OGDHL: variants seen among roughly 807,000 people sequenced by gnomAD.
OGDHL encodes the protein oxoglutarate dehydrogenase L, also known as 2-oxoglutarate dehydrogenase-like, mitochondrial.
Under a neutral mutation model 109.6 loss-of-function variants are expected in OGDHL, and 79 were observed. The observed-to-expected ratio is 0.72, with a 90% CI of 0.60 to 0.87. The LOEUF (loss-of-function observed/expected upper bound fraction) is 0.87. Among genes scored for constraint, OGDHL ranks in the 40% least tolerant of loss-of-function variants. The probability of loss-of-function intolerance (pLI) is 0.00; values close to 1 mark genes in which losing one functional copy is unlikely to be tolerated. For synonymous variants in OGDHL, 528 were observed against 537.2 expected (o/e 0.98, Z 0.24); for missense variants, 1,275 against 1,362.2 (o/e 0.94, Z 1.01).
At chr10:49,736,268 TCATCTGGCCTGCCTGGCA>T (rs1372259009) in intron 21 of OGDHL, 71 bp downstream of exon 21, 1 of 1,583,152 alleles carries the variant, frequency 6.3e-7, no homozygotes, top group Non-Finnish European at 8.6e-7. Flanking sequence ...TCACCGGCCT[TCATCTGGCCTGCCTGGCA>T]CATTGGCCAG....
Position 49,739,798 on chromosome 10 carries a change from C to T in OGDHL, c.2182G>A (p.Val728Ile), listed in dbSNP as rs147493776. The T allele has an allele frequency of 2.7e-5, 44 of 1,614,110 alleles. No homozygotes were observed. In the African/African-American group the frequency reaches 5.5e-4, roughly 20 times the overall value. The change falls in exon 17 of 23, where the codon GTC (valine) becomes ATC (isoleucine). Residue 728 changes from valine to isoleucine, a missense_variant. Val to Ile is a conservative substitution (Grantham distance 29). Coordinates refer to ENST00000374103, the MANE Select transcript of OGDHL (RefSeq NM_018245.3). ...GYAMASPNAL[V>I]LWEAQFGDFH... ...TCCCCAAACTGGGCCTCCCAGAGGA[C>T]CAGGGCATTGGGGCTGGCCATGGCA...
At position 49,736,044 on chromosome 10, in the gene OGDHL, AGGATGGTCATGAAGCGTG is replaced by A; in HGVS notation, c.2870_2887del (p.Pro957_Ile962del). On this transcript the variant is annotated inframe_deletion, in exon 22 of 23. Coordinates refer to ENST00000374103, the MANE Select transcript of OGDHL (RefSeq NM_018245.3). Reference sequence around the variant, plus strand: ...GTACCATATGGGCCGTGCGCGCCTCAGGATGGTCATGAAGCGTGGGCTGATGTAGTCATAGTAGCCCAT... The same window carrying A: ...GTACCATATGGGCCGTGCGCGCCTCAGGCTGATGTAGTCATAGTAGCCCAT... 6.3e-7 allele frequency: 1 copy of A among 1,596,568 alleles called. No homozygotes were observed. The highest frequency in any genetic ancestry group is 1.1e-5 in the South Asian group (1 of 87,588).
chr10:49,744,918 G>A (rs1460324214), intron 12 of OGDHL, among the ~76,000 whole-genome samples, 166 bp from the exon 13 acceptor site: 1 of 152,194 alleles, frequency 6.6e-6, no homozygotes, highest in African/African-American at 2.4e-5. Context: ...TCAGAGTTCA[G>A]GGGATCCTGT....
In OGDHL at chr10:49,740,433, CTCTG is replaced by C. The variant is rs1456206844; in HGVS notation, c.2140+273_2140+276del. Among the ~76,000 whole-genome samples the C allele has an allele frequency of 3.9e-5, 6 of 152,212 alleles. No individual in the cohort carries two copies. In the East Asian group the frequency reaches 1.2e-3, roughly 29 times the overall value. The stretch of plus-strand genomic sequence containing the variant: ...AACCCACAGCAGACTGTGTTGGGCT[CTCTG>C]TCTGCGCCCACTGGGGCCCTGATAC... On this transcript the variant is annotated intron_variant, in intron 16 of 22. Transcript: ENST00000374103.
chr10:49,736,934 T>A (rs6537551), intron 20 of OGDHL, among the ~76,000 whole-genome samples: 56,412 of 151,972 alleles, frequency 0.37, 11,937 homozygotes, highest in Middle Eastern at 0.47. Flanking sequence ...TGCATGCTCC[T>A]CCTCTTTCAG....
rs1842048492 is a variant in OGDHL at position 49,744,702 on chromosome 10, G to C, written c.1680C>G (p.Ser560=). 6.2e-7 allele frequency: 1 copy of C among 1,614,042 alleles called. No individual in the cohort carries two copies. The highest frequency in any genetic ancestry group is 1.7e-5 in the Admixed American group (1 of 59,986). The part of the protein sequence containing the change: ...DRICEEAYGR[S]KDKKILHIKH... ...TTATATGCAGAATCTTTTTATCCTT[G>C]GACCTGCCATAAGCCTCCTCACAGA... The change falls in exon 13 of 23, where the codon TCC becomes TCG. Residue 560 remains serine, a synonymous_variant. Transcript: ENST00000374103.
intron 11 of OGDHL, 75 bp downstream of exon 11, chr10:49,745,723 G>T: frequency 1.3e-6 from 2 of 1,529,456 alleles, no homozygotes; most frequent in Non-Finnish European, 1.8e-6. Context: ...TGCTGAAGAT[G>T]CTGATGACAT....
intron 12 of OGDHL, 103 bp from the exon 13 acceptor site, chr10:49,744,855 C>G: frequency 8.9e-6 from 8 of 896,576 alleles, no homozygotes; most frequent in Non-Finnish European, 1.5e-5. Flanking sequence ...CCAAGTTCTT[C>G]TAGAACTCTC....
At chr10:49,751,542 T>C (rs1842589157) in intron 6 of OGDHL, among the ~76,000 whole-genome samples, 1 of 152,148 alleles carries the variant, frequency 6.6e-6, no homozygotes, top group East Asian at 1.9e-4. Context: ...TCTGCCCAAA[T>C]GTTCCCACAG....
At chr10:49,740,403 G>T (rs1188955013) in intron 16 of OGDHL, among the ~76,000 whole-genome samples, 1 of 152,136 alleles carries the variant, frequency 6.6e-6, no homozygotes. Flanking sequence ...CTGCTCAGCA[G>T]CTGGAACCCA....
At chr10:49,744,577 A>T in intron 13 of OGDHL, 73 bp downstream of exon 13, 1 of 1,211,886 alleles carries the variant, frequency 8.3e-7, no homozygotes, top group Non-Finnish European at 1.2e-6. Flanking sequence ...ACCCAGGGCC[A>T]TTCCAGTCCT....
At chr10:49,756,332 T>C (rs941026323) in intron 3 of OGDHL, among the ~76,000 whole-genome samples, 2 of 152,266 alleles carry the variant, frequency 1.3e-5, no homozygotes, top group Non-Finnish European at 2.9e-5. Flanking sequence ...GAGGAGCAAC[T>C]GGTGGGGGAG....
Position 49,745,958 on chromosome 10 carries a change from G to C in OGDHL, c.1316C>G (p.Pro439Arg). The C allele has an allele frequency of 1.2e-6, 2 of 1,614,128 alleles. No homozygotes were observed. ...GTATGGTGAGGAGCGGGCCATTCGG[G>C]GGTCTGTGGTGAATCCAATCTGCAG... The part of the protein sequence containing the change: ...VNNQIGFTTD[P>R]RMARSSPYPT... The change falls in exon 11 of 23, where the codon CCC (proline) becomes CGC (arginine). Residue 439 changes from proline to arginine, a missense_variant. Coordinates refer to ENST00000374103, the MANE Select transcript of OGDHL (RefSeq NM_018245.3).
chr10:49,747,291 G>C (rs1842265586), intron 8 of OGDHL, 83 bp from the exon 9 acceptor site: 1 of 1,475,354 alleles, frequency 6.8e-7, no homozygotes, highest in Admixed American at 1.7e-5. Context: ...GCAGCCCACA[G>C]TCAGGCTGGC....
At position 49,742,951 on chromosome 10, in the gene OGDHL, G is replaced by A. The variant is rs141335151; in HGVS notation, c.1889C>T (p.Ala630Val). The A allele has an allele frequency of 3.8e-4, 608 of 1,613,592 alleles. 5 individuals carry two copies. In the East Asian group the frequency reaches 0.011, roughly 28 times the overall value. ...CACCGTCCGGTTCTTGGTCATGTCC[G>A]CACGGCCCCGCAGAATGCGAGAGAG... ...TGLSRILRGR[A>V]DMTKNRTVDW... The change falls in exon 15 of 23, where the codon GCG becomes GTG. Residue 630 changes from alanine (A) to valine (V), a missense_variant. Physicochemically the swap from Ala to Val is moderately conservative, Grantham distance 64. Coordinates refer to ENST00000374103, the MANE Select transcript of OGDHL (RefSeq NM_018245.3).
chr10:49,741,319 G>A (rs954129410), intron 15 of OGDHL, among the ~76,000 whole-genome samples: 2 of 152,122 alleles, frequency 1.3e-5, no homozygotes, highest in African/African-American at 4.8e-5. Flanking sequence ...CACAGTAAGT[G>A]AGGGGCGCCT....
rs2133001843 is a variant in OGDHL, at chr10:49,742,935, G to T, written c.1905C>A (p.Asn635Lys). 1 of 1,613,986 alleles carries T rather than the reference G, an allele frequency of 6.2e-7. No homozygotes were observed. Among genetic ancestry groups the T allele is most frequent in the Non-Finnish European group, 8.5e-7 (1 of 1,180,012 alleles). ...CTGCCAACGCCCAGTCCACCGTCCG[G>T]TTCTTGGTCATGTCCGCACGGCCCC... ...ILRGRADMTK[N>K]RTVDWALAEY... The change falls in exon 15 of 23, where the codon AAC (asparagine) becomes AAA (lysine). Residue 635 changes from asparagine to lysine, a missense_variant. By Grantham distance (94) the Asn-to-Lys change is moderately conservative (BLOSUM62 0). Coordinates refer to ENST00000374103, the MANE Select transcript of OGDHL (RefSeq NM_018245.3).
rs1033639461 is a variant in OGDHL, at chr10:49,743,751, C to A, written c.1861+243G>T. On this transcript the variant is annotated intron_variant, in intron 14 of 22. Coordinates refer to ENST00000374103, the MANE Select transcript of OGDHL (RefSeq NM_018245.3). ...ATTTGGAAAATCCAAGGTCCCCAAC[C>A]TAAGACTAGTCACTGGTACCCAGCT... 18 of 430,022 alleles carry A rather than the reference C, an allele frequency of 4.2e-5. No homozygotes were observed. The East Asian group carries it at 7.6e-4, about 18-fold the overall frequency. 26.6% of individuals were successfully genotyped at this position (430,022 alleles called of 1,614,324 possible). A position where few individuals can be genotyped will look rare whatever the true frequency, so the allele number is the denominator to read the frequency against.
At chr10:49,753,630 C>G (rs911226852) in intron 3 of OGDHL, among the ~76,000 whole-genome samples, 1 of 152,186 alleles carries the variant, frequency 6.6e-6, no homozygotes, top group Non-Finnish European at 1.5e-5. Flanking sequence ...GTGGCTCACA[C>G]CTGTAATCCT....
Sources: gnomAD v4.1 joint callset for allele counts (sites outside exome capture counted in the v4.1 genomes callset) on GRCh38, gnomAD v4.1.1 for gene constraint, MANE v1.5 for transcripts, NCBI Gene and HGNC (gene_info 2026-07-23, HGNC 2026-07-21) for gene names.